AGR3: variants seen among roughly 807,000 people sequenced by gnomAD.
AGR3 encodes anterior gradient protein 3.
AGR3 carries 37 observed loss-of-function variants against 24.5 expected under a neutral mutation model. That is an observed-to-expected ratio of 1.51 (90% CI 1.16 to 1.99). The LOEUF is 1.99. Among genes scored for constraint, AGR3 ranks in the 30% most tolerant of loss-of-function variants. The pLI is 0.00. For missense variants in AGR3, 228 were observed against 191.1 expected, an observed-to-expected ratio of 1.19 and a Z score of -1.14; for synonymous variants, 75 against 61.6, an observed-to-expected ratio of 1.22 and a Z score of -1.02.
intron 3 of AGR3, among the ~76,000 whole-genome samples, chr7:16,869,870 G>A (rs928812327): frequency 2.6e-5 from 4 of 151,424 alleles, no homozygotes; most frequent in African/African-American, 9.7e-5. Context: ...AATGATTAAG[G>A]CCTAATCCCT....
intron 2 of AGR3, among the ~76,000 whole-genome samples, chr7:16,875,151 C>T (rs943865687): frequency 7.9e-5 from 12 of 151,000 alleles, no homozygotes; most frequent in Admixed American, 7.3e-4. Context: ...AAAATGTGTG[C>T]TTTTTTCAGT....
At chr7:16,880,403 CA>C (rs1782087507) in intron 1 of AGR3, among the ~76,000 whole-genome samples, 2 of 151,974 alleles carry the variant, frequency 1.3e-5, no homozygotes, top group African/African-American at 4.8e-5. Flanking sequence ...TCAAATGATC[CA>C]ACTGCTTCGG....
intron 4 of AGR3, 125 bp from the exon 5 acceptor site, chr7:16,862,185 T>G: frequency 1.4e-6 from 1 of 704,850 alleles, no homozygotes; most frequent in South Asian, 1.9e-5. Flanking sequence ...ATATTAATAG[T>G]TCATTGGCCT....
chr7:16,873,234 T>C (rs945569504), intron 3 of AGR3, among the ~76,000 whole-genome samples: 2 of 152,174 alleles, frequency 1.3e-5, no homozygotes, highest in Non-Finnish European at 2.9e-5. Context: ...GAACATGTTA[T>C]ATATTCACAG....
At chr7:16,863,003 G>A (rs535208197) in intron 3 of AGR3, among the ~76,000 whole-genome samples, 15 of 152,282 alleles carry the variant, frequency 9.9e-5, no homozygotes, top group African/African-American at 2.6e-4. Context: ...CCCAGGAGGT[G>A]AGGTTGCGGT....
chr7:16,856,046 T>C (rs758475624), downstream of AGR3, among the ~76,000 whole-genome samples: 1 of 152,210 alleles, frequency 6.6e-6, no homozygotes, highest in Non-Finnish European at 1.5e-5. Flanking sequence ...TAAAGCCTGA[T>C]GGTTCTACTA....
At chr7:16,873,526 T>G (rs1781924650) in intron 3 of AGR3, 1 of 352,006 alleles carries the variant, frequency 2.8e-6, no homozygotes, top group Non-Finnish European at 5.2e-6. Flanking sequence ...TGAGTAGTAT[T>G]CTACAGCACT....
chr7:16,875,030 C>T (rs1032210173), intron 2 of AGR3, among the ~76,000 whole-genome samples: 1 of 151,082 alleles, frequency 6.6e-6, no homozygotes, highest in Admixed American at 6.6e-5. Context: ...GCAGGAGAAT[C>T]GCTTGAACCT....
chr7:16,862,035 A>T lies in AGR3; in HGVS notation c.252T>A (p.Asn84Lys), dbSNP rs777482636. The change falls in exon 5 of 8, where the codon AAT becomes AAA. Residue 84 changes from asparagine to lysine, a missense_variant. Physicochemically the swap from Asn to Lys is moderately conservative, Grantham distance 94. Coordinates refer to ENST00000310398, the MANE Select transcript of AGR3 (RefSeq NM_176813.5). Reference protein sequence around the residue: ...SQALKKVFAQNEEIQEMAQNK... With the variant: ...SQALKKVFAQKEEIQEMAQNK... ...TCTGAGCCATTTCTTGTATTTCTTC[A>T]TTTTGGGCAAATACTTTCTTTAGTG... 16 of 1,613,290 alleles carry T rather than the reference A, an allele frequency of 9.9e-6. No individual in the cohort carries two copies. Among genetic ancestry groups the T allele is most frequent in the Non-Finnish European group, 1.4e-5 (16 of 1,179,660 alleles).
At chr7:16,874,217 C>T (rs1167069767) in intron 2 of AGR3, among the ~76,000 whole-genome samples, 4 of 152,110 alleles carry the variant, frequency 2.6e-5, no homozygotes, top group Non-Finnish European at 4.4e-5. Context: ...ATTAGGAATC[C>T]TTTCGGCTGT....
At chr7:16,857,186 T>C (rs943621162), downstream of AGR3, among the ~76,000 whole-genome samples, 1 of 152,030 alleles carries the variant, frequency 6.6e-6, no homozygotes, top group Middle Eastern at 3.2e-3. Flanking sequence ...GAAAACTAAA[T>C]TGGTTACAAG....
intron 2 of AGR3, 28 bp from the exon 3 acceptor site, chr7:16,873,871 G>A: frequency 6.4e-7 from 1 of 1,563,564 alleles, no homozygotes; most frequent in Non-Finnish European, 8.8e-7. Context: ...AATCAATGCA[G>A]TAACCCAGAA....
intron 3 of AGR3, chr7:16,865,606 C>A (rs989524309): frequency 4.0e-5 from 29 of 732,604 alleles, no homozygotes; most frequent in Non-Finnish European, 7.3e-5. Context: ...GTATGAGAAT[C>A]CCTATAAACT....
intron 1 of AGR3, 71 bp from the exon 2 acceptor site, chr7:16,878,716 G>C: frequency 8.4e-7 from 1 of 1,188,698 alleles, no homozygotes; most frequent in Admixed American, 1.9e-5. Context: ...TATTTGCTAA[G>C]AGTTGGACCA....
chr7:16,870,932 A>G (rs1781853770), intron 3 of AGR3, among the ~76,000 whole-genome samples: 1 of 152,172 alleles, frequency 6.6e-6, no homozygotes, highest in Admixed American at 6.5e-5. Context: ...TTGCAATAGA[A>G]TGTTCTTTAG....
At position 16,859,518 on chromosome 7, in the gene AGR3, T is replaced by A. The variant is rs1781600065; in HGVS notation, c.*64A>T. 2.7e-6 allele frequency: 3 copies of A among 1,104,044 alleles called. No homozygotes were observed. The allele number at this position is 1,104,044 out of a possible 1,614,324, so 68.4% of individuals were successfully genotyped here. On this transcript the variant is annotated 3_prime_UTR_variant, in exon 8 of 8. Coordinates refer to ENST00000310398, the MANE Select transcript of AGR3 (RefSeq NM_176813.5). Reference sequence around the variant, plus strand: ...TACTTGCACATTTAGTATTTGTCAATGTGCCAGAGGTTTTCTTCATGAAAT... The same window carrying A: ...TACTTGCACATTTAGTATTTGTCAAAGTGCCAGAGGTTTTCTTCATGAAAT...
At chr7:16,878,388 C>T (rs1782032366) in intron 2 of AGR3, 122 bp downstream of exon 2, 1 of 818,742 alleles carries the variant, frequency 1.2e-6, no homozygotes. Context: ...TGAAGTCACA[C>T]ACAACAAAAA....
intron 5 of AGR3, 84 bp downstream of exon 5, chr7:16,861,899 TA>T (rs56817783): frequency 0.26 from 221,515 of 849,616 alleles, 1,274 homozygotes; most frequent in East Asian, 0.28. Flanking sequence ...AGACTCTGTC[TA>T]AAAAAAAAAA....
Position 16,878,528 on chromosome 7 carries a change from G to GC in AGR3, c.90_91insG (p.Pro31AlafsTer11). 1 of 1,613,924 alleles carries GC rather than the reference G, an allele frequency of 6.2e-7. No individual in the cohort carries two copies. The highest frequency in any genetic ancestry group is 1.1e-5 in the South Asian group (1 of 91,068). ...ACAGCACCTCTTGAGAGTGTCTGAG[G>GC]AGGCCTCTTTTCCTTTTTTATTGCA... On this transcript the variant is annotated frameshift_variant, in exon 2 of 8. Coordinates refer to ENST00000310398, the MANE Select transcript of AGR3 (RefSeq NM_176813.5). LOFTEE classifies it high-confidence loss of function.
Sources: allele counts gnomAD v4.1 joint callset (sites outside exome capture counted in the v4.1 genomes callset), GRCh38; gene constraint gnomAD v4.1.1; transcripts MANE v1.5; gene names NCBI Gene and HGNC (gene_info 2026-07-23, HGNC 2026-07-21).